Variants in STK3 observed in about 807,000 individuals in gnomAD.
STK3 encodes the protein serine/threonine-protein kinase 3.
Under a neutral mutation model 58.0 loss-of-function variants are expected in STK3, and 41 were observed. That is an observed-to-expected ratio of 0.71 (90% CI 0.55 to 0.92). STK3 has a LOEUF of 0.92. Ranked by LOEUF, STK3 falls within the 40% of genes least tolerant of loss-of-function variation. The pLI, the probability that STK3 is intolerant of heterozygous loss-of-function variation, is 0.00. For missense variants in STK3, 479 were observed against 602.7 expected, an observed-to-expected ratio of 0.79 and a Z score of 2.15; for synonymous variants, 170 against 191.0, an observed-to-expected ratio of 0.89 and a Z score of 0.91.
intron 1 of STK3, among the ~76,000 whole-genome samples, chr8:98,913,831 C>T (rs1206114467): frequency 1.3e-5 from 2 of 152,244 alleles, no homozygotes; most frequent in African/African-American, 4.8e-5. Context: ...CAGCCACAGG[C>T]TGAGATACCT....
rs150843082 is a variant in STK3, at chr8:98,792,615, C to A, written c.27-17796G>T. On this transcript the variant is annotated intron_variant, in intron 1 of 10. Coordinates refer to ENST00000419617, the MANE Select transcript of STK3 (RefSeq NM_006281.4). ...CTTGGAAGACTGAGGCAGGAGAAAT[C>A]ACTTTAACCCAGGAAGTGGATGTTG... 2.2e-4 allele frequency among the ~76,000 whole-genome samples: 34 copies of A among 152,286 alleles called. No homozygotes were observed. The East Asian group carries it at 6.6e-3, about 29-fold the overall frequency.
chr8:98,777,266 G>A (rs1435627652), intron 1 of STK3, among the ~76,000 whole-genome samples: 2 of 152,062 alleles, frequency 1.3e-5, no homozygotes, highest in Admixed American at 6.6e-5. Context: ...GGTGGCTCAC[G>A]CCTGTATTCC....
chr8:98,905,119 G>T, intron 1 of STK3: 1 of 1,440,820 alleles, frequency 6.9e-7, no homozygotes, highest in South Asian at 1.1e-5. Context: ...TCTGCCACAC[G>T]ACCCGTACGA....
At chr8:98,923,552 G>A (rs1839653479) in intron 1 of STK3, among the ~76,000 whole-genome samples, 1 of 152,128 alleles carries the variant, frequency 6.6e-6, no homozygotes. Context: ...CTAAACCCTA[G>A]CACTACTTGT....
At chr8:98,650,899 C>T (rs1167520858) in intron 6 of STK3, among the ~76,000 whole-genome samples, 1 of 152,248 alleles carries the variant, frequency 6.6e-6, no homozygotes, top group Non-Finnish European at 1.5e-5. Context: ...GTAGGCTGCA[C>T]CTCTGGAGGA....
intron 3 of STK3, among the ~76,000 whole-genome samples, chr8:98,418,720 GGGA>G (rs1203460991): frequency 1.3e-5 from 2 of 152,194 alleles, no homozygotes; most frequent in Non-Finnish European, 2.9e-5. Context: ...TAGAGGTCAA[GGGA>G]GGAGGAGCGG....
At chr8:98,450,164 C>T (rs1274334141), downstream of STK3, among the ~76,000 whole-genome samples, 9 of 152,176 alleles carry the variant, frequency 5.9e-5, no homozygotes. Context: ...AGATTCTCCT[C>T]AGTGCAAATC....
chr8:98,422,419 C>T (rs1303001591), intron 3 of STK3, among the ~76,000 whole-genome samples: 5 of 152,270 alleles, frequency 3.3e-5, no homozygotes, highest in East Asian at 1.9e-4. Flanking sequence ...TCCCCAGCAA[C>T]GCCCCTGCGC....
chr8:98,855,322 G>A (rs1328677446), intron 3 of STK3, among the ~76,000 whole-genome samples: 1 of 152,216 alleles, frequency 6.6e-6, no homozygotes, highest in East Asian at 1.9e-4. Flanking sequence ...CACAAGGACA[G>A]ACATATGGAT....
At position 98,598,346 on chromosome 8, in the gene STK3, T is replaced by C; in HGVS notation, c.685-2177A>G. 3.0e-6 allele frequency: 3 copies of C among 985,344 alleles called. No individual in the cohort carries two copies. The South Asian group carries it at 1.4e-4, about 46-fold the overall frequency. 61.0% of individuals were successfully genotyped at this position (985,344 alleles called of 1,614,324 possible). A position where few individuals can be genotyped will look rare whatever the true frequency, so the allele number is the denominator to read the frequency against. ...AACTCTTATTTACCCAGTACTCTCA[T>C]AAAGTGAACCTAAAATGTCACATTC... On this transcript the variant is annotated intron_variant, in intron 6 of 10. Coordinates refer to ENST00000419617, the MANE Select transcript of STK3 (RefSeq NM_006281.4).
At chr8:98,381,473 G>C (rs547055131) in intron 1 of STK3, among the ~76,000 whole-genome samples, 6 of 152,266 alleles carry the variant, frequency 3.9e-5, no homozygotes, top group African/African-American at 1.4e-4. Context: ...AGACATACGT[G>C]ACTCATTTGC....
chr8:98,668,321 C>T (rs1334954168), intron 6 of STK3, among the ~76,000 whole-genome samples: 4 of 152,078 alleles, frequency 2.6e-5, no homozygotes, highest in Non-Finnish European at 4.4e-5. Context: ...GAGGAGAGTC[C>T]TTTTATCTTG....
At chr8:98,728,610 A>G (rs1011667904) in intron 4 of STK3, among the ~76,000 whole-genome samples, 1 of 152,228 alleles carries the variant, frequency 6.6e-6, no homozygotes, top group Non-Finnish European at 1.5e-5. Flanking sequence ...CCTTTCCCAC[A>G]TGAAAAGATT....
intron 1 of STK3, among the ~76,000 whole-genome samples, chr8:98,904,282 T>C (rs1353938410): frequency 3.3e-5 from 5 of 152,018 alleles, no homozygotes; most frequent in Admixed American, 1.3e-4. Context: ...ATTCAACTCC[T>C]AGGGAAAGCA....
intron 1 of STK3, among the ~76,000 whole-genome samples, chr8:98,914,335 G>C (rs535687295): frequency 5.9e-5 from 9 of 152,168 alleles, no homozygotes; most frequent in South Asian, 4.1e-4. Context: ...TCGAGCCTAG[G>C]AGGTTGAGGC....
chr8:98,750,426 A>C (rs35798019), intron 3 of STK3, among the ~76,000 whole-genome samples: 53,444 of 150,386 alleles, frequency 0.36, 9,709 homozygotes, highest in Admixed American at 0.45. Context: ...TGCTGGGCAC[A>C]AATGTAAGAT....
At chr8:98,656,607 C>A (rs1821552914) in intron 6 of STK3, among the ~76,000 whole-genome samples, 1 of 152,088 alleles carries the variant, frequency 6.6e-6, no homozygotes. Flanking sequence ...CAATTTGATA[C>A]ACCCTACTTG....
chr8:98,696,307 G>A (rs1824919453), intron 6 of STK3, among the ~76,000 whole-genome samples: 1 of 151,980 alleles, frequency 6.6e-6, no homozygotes, highest in East Asian at 1.9e-4. Context: ...TGCAAACAGG[G>A]ACAATTTGAC....
At chr8:98,653,281 C>A (rs1821134117) in intron 6 of STK3, among the ~76,000 whole-genome samples, 1 of 152,084 alleles carries the variant, frequency 6.6e-6, no homozygotes, top group Non-Finnish European at 1.5e-5. Context: ...GCTTTGAAAC[C>A]AATGAGAACA....
Sources: gnomAD v4.1 joint callset for allele counts (sites outside exome capture counted in the v4.1 genomes callset) on GRCh38, gnomAD v4.1.1 for gene constraint, MANE v1.5 for transcripts, NCBI Gene and HGNC (gene_info 2026-07-23, HGNC 2026-07-21) for gene names.